SNAP91: variants seen among roughly 807,000 people sequenced by gnomAD.
SNAP91 encodes synaptosome associated protein 91.
In SNAP91, 27 loss-of-function variants were observed where a neutral mutation model predicts 100.3. The observed-to-expected ratio is 0.27, with a 90% confidence interval of 0.20 to 0.37. The LOEUF (loss-of-function observed/expected upper bound fraction) is 0.37, where lower values mean the gene tolerates loss of function less well. Ranked by LOEUF, SNAP91 falls within the 10% of genes least tolerant of loss-of-function variation. SNAP91 has a pLI of 1.00. For synonymous variants in SNAP91, 404 were observed against 398.6 expected (o/e 1.01, Z -0.16); for missense variants, 986 against 1,123.7 (o/e 0.88, Z 1.75).
chr6:83,621,176 A>G (rs1044585117), intron 9 of SNAP91, among the ~76,000 whole-genome samples: 3 of 151,996 alleles, frequency 2.0e-5, no homozygotes, highest in African/African-American at 4.8e-5. Context: ...TATATACTCA[A>G]TGTTTAGCTC....
chr6:83,585,503 T>C (rs1269742279), intron 22 of SNAP91, among the ~76,000 whole-genome samples: 1 of 148,796 alleles, frequency 6.7e-6, no homozygotes, highest in Non-Finnish European at 1.5e-5. Flanking sequence ...CCCTCCAGCC[T>C]ATGCAACAGA....
At chr6:83,679,673 G>A (rs995974920) in intron 2 of SNAP91, among the ~76,000 whole-genome samples, 3 of 152,154 alleles carry the variant, frequency 2.0e-5, no homozygotes, top group South Asian at 2.1e-4. Flanking sequence ...TTGGGGTCGC[G>A]AGGAAAGATC....
At chr6:83,601,656 T>A in intron 14 of SNAP91, 57 bp from the exon 15 acceptor site, 1 of 1,552,174 alleles carries the variant, frequency 6.4e-7, no homozygotes, top group Admixed American at 1.7e-5. Context: ...AGTTGAAACA[T>A]GCAACCATAC....
In SNAP91 at chr6:83,665,481, C is replaced by T. The variant is rs1455998785; in HGVS notation, c.231G>A (p.Lys77=). The change falls in exon 3 of 30, where the codon AAG becomes AAA. Residue 77 remains lysine (K), a synonymous_variant. Transcript: ENST00000369694. Reference sequence around the variant, plus strand: ...TGAGATGATGTGTTGTCACTAAAGCCTTAAACACAACCACCCAGCTACTGT... The same window carrying T: ...TGAGATGATGTGTTGTCACTAAAGCTTTAAACACAACCACCCAGCTACTGT... ...ATNSSWVVVF[K]ALVTTHHLMV... 1.2e-6 allele frequency: 2 copies of T among 1,612,730 alleles called. No individual in the cohort carries two copies. Among genetic ancestry groups the T allele is most frequent in the African/African-American group, 2.7e-5 (2 of 74,778 alleles).
intron 2 of SNAP91, among the ~76,000 whole-genome samples, chr6:83,666,530 A>T (rs544826767): frequency 6.6e-6 from 1 of 152,126 alleles, no homozygotes; most frequent in Non-Finnish European, 1.5e-5. Flanking sequence ...TGCAACAAAC[A>T]TGCACATGTA....
intron 29 of SNAP91, among the ~76,000 whole-genome samples, chr6:83,555,906 G>A (rs546473495): frequency 7.2e-5 from 11 of 152,098 alleles, no homozygotes; most frequent in Non-Finnish European, 1.0e-4. Flanking sequence ...AAAGCTAATC[G>A]TTGTGCTTTC....
intron 22 of SNAP91, among the ~76,000 whole-genome samples, chr6:83,583,493 G>C (rs1831410862): frequency 6.6e-6 from 1 of 152,196 alleles, no homozygotes; most frequent in African/African-American, 2.4e-5. Context: ...ACGGCTGGAA[G>C]CAAAACATTT....
chr6:83,646,663 C>T (rs1379803324), intron 7 of SNAP91, among the ~76,000 whole-genome samples: 4 of 152,114 alleles, frequency 2.6e-5, no homozygotes, highest in Non-Finnish European at 5.9e-5. Context: ...TCTTCTTCAA[C>T]AATATTGTGT....
intron 7 of SNAP91, among the ~76,000 whole-genome samples, chr6:83,646,963 T>C (rs1486743307): frequency 6.6e-6 from 1 of 152,168 alleles, no homozygotes; most frequent in Non-Finnish European, 1.5e-5. Flanking sequence ...AATGGCATTG[T>C]GTTTTTAATT....
At chr6:83,563,574 G>A (rs906059129) in intron 26 of SNAP91, among the ~76,000 whole-genome samples, 5 of 152,122 alleles carry the variant, frequency 3.3e-5, no homozygotes, top group African/African-American at 1.2e-4. Flanking sequence ...TCTATTCATC[G>A]ATGGCACAAT....
At chr6:83,671,826 C>T (rs906314923) in intron 2 of SNAP91, among the ~76,000 whole-genome samples, 15 of 152,022 alleles carry the variant, frequency 9.9e-5, no homozygotes, top group African/African-American at 3.4e-4. Flanking sequence ...ATGAGATTGT[C>T]AATCACTTAA....
At chr6:83,607,619 A>G in intron 13 of SNAP91, 80 bp downstream of exon 13, 1 of 845,022 alleles carries the variant, frequency 1.2e-6, no homozygotes, top group Non-Finnish European at 1.8e-6. Context: ...TGGTGAAATC[A>G]TTTGGGTACA....
rs139577291 is a variant in SNAP91, at chr6:83,621,134, C to T, written c.807+2167G>A. Among the ~76,000 whole-genome samples, 639 of 152,238 alleles carry T rather than the reference C, an allele frequency of 4.2e-3. 5 individuals carry two copies. The highest frequency in any genetic ancestry group is 6.7e-3 in the Non-Finnish European group (459 of 68,016). On this transcript the variant is annotated intron_variant, in intron 9 of 29. Coordinates refer to ENST00000369694, the MANE Select transcript of SNAP91 (RefSeq NM_001242792.2). Reference sequence around the variant, plus strand: ...GTACCACCTTCTACCCTCCAGTAGGCCTCGGTGTTTGTTGTTCACTTCTGT... The same window carrying T: ...GTACCACCTTCTACCCTCCAGTAGGTCTCGGTGTTTGTTGTTCACTTCTGT...
At chr6:83,649,902 T>C (rs2098123782) in intron 7 of SNAP91, among the ~76,000 whole-genome samples, 1 of 152,188 alleles carries the variant, frequency 6.6e-6, no homozygotes, top group Non-Finnish European at 1.5e-5. Flanking sequence ...TCATACCTTT[T>C]TAGGGGATGA....
intron 25 of SNAP91, chr6:83,575,765 C>A (rs2128084864): frequency 2.5e-6 from 1 of 402,768 alleles, no homozygotes; most frequent in Non-Finnish European, 4.4e-6. Flanking sequence ...AGCCACAATT[C>A]CCAAATATTT....
rs561244010 is a variant in SNAP91 at position 83,566,734 on chromosome 6, TA to T, written c.2443-5788del. On this transcript the variant is annotated intron_variant, in intron 26 of 29. Coordinates refer to ENST00000369694, the MANE Select transcript of SNAP91 (RefSeq NM_001242792.2). ...GCAAAATGAAGCCCAACATAAATAA[TA>T]AAATGAAACTAGAGACTTTACCAAT... 2.8e-3 allele frequency among the ~76,000 whole-genome samples: 430 copies of T among 152,204 alleles called. 2 individuals are homozygous for T. Among genetic ancestry groups the T allele is most frequent in the Non-Finnish European group, 3.2e-3 (215 of 68,004 alleles).
At chr6:83,659,425 C>CTTTT (rs397887198) in intron 5 of SNAP91, among the ~76,000 whole-genome samples, 7 of 124,060 alleles carry the variant, frequency 5.6e-5, no homozygotes, top group South Asian at 2.7e-4. Flanking sequence ...ATGTTTTCTT[C>CTTTT]TTTTTTTTTT....
chr6:83,648,494 AG>A (rs1234663937), intron 7 of SNAP91, among the ~76,000 whole-genome samples: 7 of 151,956 alleles, frequency 4.6e-5, no homozygotes, highest in African/African-American at 1.7e-4. Context: ...GTGGGTCATA[AG>A]TTAGGTGTAT....
intron 7 of SNAP91, among the ~76,000 whole-genome samples, chr6:83,650,086 A>C (rs1223690551): frequency 6.6e-6 from 1 of 151,950 alleles, no homozygotes; most frequent in Non-Finnish European, 1.5e-5. Flanking sequence ...AATATTATTC[A>C]TGGTTATATT....
Sources: allele counts gnomAD v4.1 joint callset (sites outside exome capture counted in the v4.1 genomes callset), GRCh38; gene constraint gnomAD v4.1.1; transcripts MANE v1.5; gene names NCBI Gene and HGNC (gene_info 2026-07-23, HGNC 2026-07-21).